ZNF385D: variants seen among roughly 807,000 people sequenced by gnomAD.
ZNF385D encodes zinc finger protein 659.
Under a neutral mutation model 35.8 loss-of-function variants are expected in ZNF385D, and 15 were observed. That is an observed-to-expected ratio of 0.42 (90% CI 0.28 to 0.64). The LOEUF is 0.64. Ranked by LOEUF, ZNF385D falls within the 30% of genes least tolerant of loss-of-function variation. The pLI, the probability that ZNF385D is intolerant of heterozygous loss-of-function variation, is 0.23. For synonymous variants in ZNF385D, 212 were observed against 186.8 expected (o/e 1.13, Z -1.10); for missense variants, 474 against 494.6 (o/e 0.96, Z 0.39).
At chr3:22,018,295 A>G (rs1697011340) in intron 3 of ZNF385D, among the ~76,000 whole-genome samples, 1 of 151,586 alleles carries the variant, frequency 6.6e-6, no homozygotes, top group African/African-American at 2.4e-5. Context: ...TATATTCTTT[A>G]TTCTATTTCA....
At chr3:22,075,037 T>A (rs1056864262) in intron 3 of ZNF385D, among the ~76,000 whole-genome samples, 1 of 151,900 alleles carries the variant, frequency 6.6e-6, no homozygotes, top group Non-Finnish European at 1.5e-5. Flanking sequence ...AACTACATAT[T>A]TGAAACTTGC....
At chr3:22,239,218 A>G (rs1194461978) in intron 2 of ZNF385D, among the ~76,000 whole-genome samples, 2 of 151,172 alleles carry the variant, frequency 1.3e-5, no homozygotes, top group Non-Finnish European at 2.9e-5. Context: ...CTTGCCTGCT[A>G]CCAGTATCTT....
rs796374257 is a variant in ZNF385D at position 22,036,684 on chromosome 3, C to G, written c.325+132133G>C. Among the ~76,000 whole-genome samples, 4 of 147,880 alleles carry G rather than the reference C, an allele frequency of 2.7e-5. No homozygotes were observed. The South Asian group carries it at 6.4e-4, about 24-fold the overall frequency. On this transcript the variant is annotated intron_variant, in intron 3 of 5. Coordinates refer to the ZNF385D transcript ENST00000494108. ...AAAACCCTTCTTTTAGAATACAATACGAGAAAGAAGAGTAGCCCTACTAGG... is the reference window on the plus strand; with the variant it reads ...AAAACCCTTCTTTTAGAATACAATAGGAGAAAGAAGAGTAGCCCTACTAGG...
intron 3 of ZNF385D, among the ~76,000 whole-genome samples, chr3:22,122,542 G>A (rs936167055): frequency 1.3e-5 from 2 of 152,092 alleles, no homozygotes; most frequent in African/African-American, 4.8e-5. Context: ...TGATGACACA[G>A]CCATAAAGAA....
At chr3:22,008,938 C>T (rs879836550) in intron 3 of ZNF385D, among the ~76,000 whole-genome samples, 2 of 151,896 alleles carry the variant, frequency 1.3e-5, no homozygotes, top group Non-Finnish European at 2.9e-5. Flanking sequence ...CAGATTAAAA[C>T]CACAGAATAA....
chr3:21,712,786 T>A (rs2068163395), intron 1 of ZNF385D, among the ~76,000 whole-genome samples: 1 of 152,206 alleles, frequency 6.6e-6, no homozygotes, highest in African/African-American at 2.4e-5. Flanking sequence ...TACAGTTCTC[T>A]CTACTCTATC....
chr3:21,763,484 C>T (rs76340991), intron 3 of ZNF385D, among the ~76,000 whole-genome samples: 3,032 of 152,186 alleles, frequency 0.02, 90 homozygotes, highest in African/African-American at 0.068. Context: ...TGAGAAACTT[C>T]CATAGTATTG....
chr3:21,494,755 C>T (rs2125415785), intron 4 of ZNF385D, among the ~76,000 whole-genome samples: 1 of 152,252 alleles, frequency 6.6e-6, no homozygotes, highest in East Asian at 1.9e-4. Context: ...CTGTCTCCTC[C>T]ATTTAAATGA....
At chr3:21,716,898 T>C (rs1188568327) in intron 1 of ZNF385D, among the ~76,000 whole-genome samples, 1 of 151,480 alleles carries the variant, frequency 6.6e-6, no homozygotes, top group Non-Finnish European at 1.5e-5. Flanking sequence ...CTGAGGCGGG[T>C]GGATCACAAG....
intron 1 of ZNF385D, among the ~76,000 whole-genome samples, chr3:21,731,091 T>C (rs1355383795): frequency 6.6e-6 from 1 of 152,190 alleles, no homozygotes; most frequent in Non-Finnish European, 1.5e-5. Flanking sequence ...TATATGCATA[T>C]TTAAATATGA....
At chr3:21,501,914 C>T (rs990037794) in intron 4 of ZNF385D, among the ~76,000 whole-genome samples, 3 of 152,126 alleles carry the variant, frequency 2.0e-5, no homozygotes, top group Non-Finnish European at 4.4e-5. Flanking sequence ...ATCATAAATA[C>T]TTCTTAGGTG....
At chr3:21,836,554 C>A in intron 3 of ZNF385D, among the ~76,000 whole-genome samples, 1 of 152,022 alleles carries the variant, frequency 6.6e-6, no homozygotes, top group Non-Finnish European at 1.5e-5. Flanking sequence ...AGTTGCCAAA[C>A]TTTTTCTGTA....
intron 3 of ZNF385D, among the ~76,000 whole-genome samples, chr3:21,767,509 C>T (rs1482833237): frequency 1.3e-5 from 2 of 152,000 alleles, no homozygotes; most frequent in African/African-American, 4.8e-5. Context: ...CCATACTTGC[C>T]AGTTCCTTTC....
chr3:21,826,409 G>A (rs1042698430), intron 3 of ZNF385D, among the ~76,000 whole-genome samples: 1 of 152,108 alleles, frequency 6.6e-6, no homozygotes, highest in Non-Finnish European at 1.5e-5. Flanking sequence ...TATTTCACTG[G>A]TCCAATTCCC....
In ZNF385D at chr3:21,850,096, A is replaced by T. The variant is rs1261178616; in HGVS notation, c.326-185068T>A. Among the ~76,000 whole-genome samples the T allele has an allele frequency of 3.3e-5, 5 of 152,096 alleles. 1 individual carries two copies. The highest frequency in any genetic ancestry group is 3.3e-4 in the Admixed American group (5 of 15,250). ...TGCAAATTATGGCAACTTATAATTTATTATCAATATGGACATGTAAAATTA... is the reference window on the plus strand; with the variant it reads ...TGCAAATTATGGCAACTTATAATTTTTTATCAATATGGACATGTAAAATTA... On this transcript the variant is annotated intron_variant, in intron 3 of 5. Transcript: ENST00000494108.
At chr3:22,204,328 C>A (rs1421000062) in intron 2 of ZNF385D, among the ~76,000 whole-genome samples, 2 of 151,888 alleles carry the variant, frequency 1.3e-5, no homozygotes, top group African/African-American at 2.4e-5. Flanking sequence ...CTGTAGTGAC[C>A]AAGAACTTGT....
chr3:22,069,041 G>A (rs1199526221), intron 3 of ZNF385D, among the ~76,000 whole-genome samples: 1 of 152,176 alleles, frequency 6.6e-6, no homozygotes, highest in African/African-American at 2.4e-5. Context: ...CAAGATGGCT[G>A]CCACATCTCT....
chr3:22,158,864 T>C (rs1394251479), intron 3 of ZNF385D, among the ~76,000 whole-genome samples: 3 of 152,028 alleles, frequency 2.0e-5, no homozygotes, highest in Non-Finnish European at 4.4e-5. Flanking sequence ...GAAAAATTCA[T>C]GCATACAAGA....
intron 3 of ZNF385D, among the ~76,000 whole-genome samples, chr3:22,129,132 A>C (rs1341884935): frequency 4.6e-5 from 7 of 152,146 alleles, no homozygotes; most frequent in Admixed American, 4.6e-4. Context: ...GGAGAATTCC[A>C]TGGATTACAT....
Sources: gnomAD v4.1 joint callset for allele counts (sites outside exome capture counted in the v4.1 genomes callset) on GRCh38, gnomAD v4.1.1 for gene constraint, MANE v1.5 for transcripts, NCBI Gene and HGNC (gene_info 2026-07-23, HGNC 2026-07-21) for gene names.